Variants in NPHS1 observed in about 807,000 individuals in gnomAD.
NPHS1 encodes nephrin.
A neutral mutation model predicts 139.7 loss-of-function variants in NPHS1; 107 were observed. The ratio of observed to expected loss-of-function variants is 0.77; its 90% CI spans 0.66 to 0.90. The LOEUF (loss-of-function observed/expected upper bound fraction) is 0.90, where lower values mean the gene tolerates loss of function less well. Among genes scored for constraint, NPHS1 ranks in the 40% least tolerant of loss-of-function variants. The probability of loss-of-function intolerance (pLI) is 0.00; values close to 1 mark genes in which losing one functional copy is unlikely to be tolerated. For synonymous variants in NPHS1, 707 were observed against 706.6 expected (o/e 1.00, Z -0.01); for missense variants, 1,580 against 1,654.2 (o/e 0.96, Z 0.78).
chr19:35,826,091 A>ATGCGCCAC lies in NPHS1; in HGVS notation c.*415_*422dup. Reference sequence around the variant, plus strand: ...CTCCCAAGTAGCTGGGACTACAGGCATGCGCCACTACTCCTGGCTAATTTT... The same window carrying ATGCGCCAC: ...CTCCCAAGTAGCTGGGACTACAGGCATGCGCCACTGCGCCACTACTCCTGGCTAATTTT... On this transcript the variant is annotated 3_prime_UTR_variant, in exon 29 of 29. Transcript: ENST00000378910. 1 of 214,550 alleles carries ATGCGCCAC rather than the reference A, an allele frequency of 4.7e-6. No homozygotes were observed. The highest frequency in any genetic ancestry group is 1.1e-4 in the East Asian group (1 of 9,414). The allele number at this position is 214,550 out of a possible 1,614,324, so 13.3% of individuals were successfully genotyped here.
At position 35,845,793 on chromosome 19, in the gene NPHS1, G is replaced by A; in HGVS notation, c.1633C>T (p.Pro545Ser). 4.3e-6 allele frequency: 7 copies of A among 1,612,404 alleles called. No individual in the cohort carries two copies. Among genetic ancestry groups the A allele is most frequent in the Non-Finnish European group, 5.9e-6 (7 of 1,178,700 alleles). Reference sequence around the variant, plus strand: ...TTGGCCAGGATCGTCACGTTAGTTGGGGGAACTGGGAGACGGGGTTGGAGG... The same window carrying A: ...TTGGCCAGGATCGTCACGTTAGTTGAGGGAACTGGGAGACGGGGTTGGAGG... ...ASTQLAVQFPPTNVTILANAS... is the reference protein window; with the variant it reads ...ASTQLAVQFPSTNVTILANAS... The change falls in exon 13 of 29, where the codon CCA becomes TCA. Residue 545 changes from proline (P) to serine (S), a missense_variant. By Grantham distance (74) the Pro-to-Ser change is moderately conservative. Coordinates refer to ENST00000378910, the MANE Select transcript of NPHS1 (RefSeq NM_004646.4). This position sits in a 1 kb window ranked among gnomAD's most constrained non-coding sequence, Gnocchi z 5.5.
chr19:35,843,607 G>C lies in NPHS1; in HGVS notation c.2213-14C>G. The C allele has an allele frequency of 6.2e-7, 1 of 1,613,660 alleles. No individual in the cohort carries two copies. On this transcript the variant is annotated splice_polypyrimidine_tract_variant and intron_variant, in intron 16 of 28. Transcript: ENST00000378910. ...TGGTGGGAGCATCTGGTGGAAGGCAGAGGCTTGGGGAAGACACTTGGGCCC... is the reference window on the plus strand; with the variant it reads ...TGGTGGGAGCATCTGGTGGAAGGCACAGGCTTGGGGAAGACACTTGGGCCC...
chr19:35,834,322 G>T (rs1221346504), intron 23 of NPHS1, among the ~76,000 whole-genome samples: 1 of 152,168 alleles, frequency 6.6e-6, no homozygotes, highest in African/African-American at 2.4e-5. Flanking sequence ...TATCAGAAGT[G>T]TGGGAAGGGG....
chr19:35,841,905 C>G, intron 19 of NPHS1, 39 bp from the exon 20 acceptor site: 1 of 1,576,382 alleles, frequency 6.3e-7, no homozygotes, highest in Non-Finnish European at 8.6e-7. Flanking sequence ...CTTCCATTCA[C>G]CCAACCACTT....
rs541515890 is a variant in NPHS1 at position 35,844,572 on chromosome 19, A to G, written c.1931-113T>C. 100 of 1,134,824 alleles carry G rather than the reference A, an allele frequency of 8.8e-5. No homozygotes were observed. In the South Asian group the frequency reaches 1.3e-3, roughly 15 times the overall value. The allele number at this position is 1,134,824 out of a possible 1,614,324, so 70.3% of individuals were successfully genotyped here. A position where few individuals can be genotyped will look rare whatever the true frequency, so the allele number is the denominator to read the frequency against. ...AAAGTTGGGGTCACGACGGGGTTTA[A>G]GGTTGTGGACAAGGTAACAAGTTCA... On this transcript the variant is annotated intron_variant, in intron 14 of 28. Transcript: ENST00000378910.
intron 5 of NPHS1, 109 bp from the exon 6 acceptor site, chr19:35,849,762 C>T (rs530873038): frequency 3.8e-6 from 3 of 787,524 alleles, no homozygotes; most frequent in South Asian, 2.8e-5. Context: ...GGTCTAAGTC[C>T]CCATGCTGAT....
chr19:35,828,883 T>C (rs1462843184), intron 28 of NPHS1, among the ~76,000 whole-genome samples: 1 of 152,220 alleles, frequency 6.6e-6, no homozygotes, highest in African/African-American at 2.4e-5. Context: ...CTTTGCGCCA[T>C]GCTGGTGAGG....
intron 28 of NPHS1, among the ~76,000 whole-genome samples, chr19:35,827,851 A>AG (rs1433757292): frequency 6.6e-6 from 1 of 152,142 alleles, no homozygotes; most frequent in Non-Finnish European, 1.5e-5. Context: ...TGGGAGGTGG[A>AG]GGTTGCAGTG....
intron 17 of NPHS1, 152 bp downstream of exon 17, chr19:35,843,320 A>T: frequency 9.9e-7 from 1 of 1,007,724 alleles, no homozygotes; most frequent in Non-Finnish European, 1.5e-6. Flanking sequence ...TCATTTTGCC[A>T]CCAACAGTTA....
At chr19:35,828,726 C>T (rs1330433645) in intron 28 of NPHS1, among the ~76,000 whole-genome samples, 1 of 152,226 alleles carries the variant, frequency 6.6e-6, no homozygotes, top group Non-Finnish European at 1.5e-5. Context: ...TTTTACTTTA[C>T]GGTGGCAGAG....
rs1973240481 is a variant in NPHS1 at position 35,851,098 on chromosome 19, A to G, written c.398-9T>C. 6.2e-7 allele frequency: 1 copy of G among 1,613,998 alleles called. No homozygotes were observed. The highest frequency in any genetic ancestry group is 1.3e-5 in the African/African-American group (1 of 74,914). Reference sequence around the variant, plus strand: ...GAGCAGCTTGGGAGGAACTGGTGAGAGAAGGGTCTGGGGTAAGCTTCCAGC... The same window carrying G: ...GAGCAGCTTGGGAGGAACTGGTGAGGGAAGGGTCTGGGGTAAGCTTCCAGC... On this transcript the variant is annotated splice_polypyrimidine_tract_variant and intron_variant, in intron 3 of 28. Transcript: ENST00000378910.
chr19:35,840,089 C>T (rs1973032500), intron 20 of NPHS1, among the ~76,000 whole-genome samples: 1 of 151,488 alleles, frequency 6.6e-6, no homozygotes, highest in Non-Finnish European at 1.5e-5. Context: ...ACTGCAACCT[C>T]CACCTCCTGG....
rs1393113508 is a variant in NPHS1 at position 35,825,856 on chromosome 19, GAGTTTTTCAT to G, written c.*648_*657del. The G allele has an allele frequency of 6.6e-6, 1 of 152,290 alleles. No homozygotes were observed. Among genetic ancestry groups the G allele is most frequent in the African/African-American group, 2.4e-5 (1 of 41,472 alleles). The allele number at this position is 152,290 out of a possible 1,614,324, so 9.4% of individuals were successfully genotyped here. ...GACGTCATGGAATGCAAAATGAACA[GAGTTTTTCAT>G]ATGTCTTTCCCCACTTCTGAAAACT... On this transcript the variant is annotated 3_prime_UTR_variant, in exon 29 of 29. Transcript: ENST00000378910.
intron 3 of NPHS1, 37 bp from the exon 4 acceptor site, chr19:35,851,126 T>G (rs767505737): frequency 1.2e-6 from 2 of 1,613,802 alleles, no homozygotes; most frequent in East Asian, 2.2e-5. Flanking sequence ...CTTCCAGCAC[T>G]GAGAAGGACT....
chr19:35,826,709 T>C, intron 28 of NPHS1, 64 bp from the exon 29 acceptor site: 1 of 1,579,246 alleles, frequency 6.3e-7, no homozygotes, highest in Non-Finnish European at 8.7e-7. Context: ...ATTGAAGATC[T>C]GGGGGATACA....
chr19:35,832,803 C>T (rs1972901420), intron 23 of NPHS1, among the ~76,000 whole-genome samples: 1 of 144,792 alleles, frequency 6.9e-6, no homozygotes, highest in African/African-American at 2.6e-5. Flanking sequence ...AGGGGAATCA[C>T]TTGAACTGGG....
chr19:35,830,531 T>A (rs1257783910), intron 28 of NPHS1, among the ~76,000 whole-genome samples: 1 of 152,272 alleles, frequency 6.6e-6, no homozygotes, highest in Admixed American at 6.5e-5. Context: ...TGGCTCAGCC[T>A]CCTGAGTAGC....
rs754556069 is a variant in NPHS1, at chr19:35,831,153, C to T, written c.3388-7G>A. On this transcript the variant is annotated splice_polypyrimidine_tract_variant and splice_region_variant and intron_variant, in intron 26 of 28. Transcript: ENST00000378910. ...CTGCCTCTGTTGTGCTGACCTGTTC[C>T]CCACACGCAAAACAAACAAAGCCCT... The T allele has an allele frequency of 6.2e-6, 10 of 1,613,798 alleles. No individual in the cohort carries two copies. In the South Asian group the frequency reaches 6.6e-5, roughly 11 times the overall value.
At chr19:35,840,682 A>G (rs1367844416) in intron 20 of NPHS1, among the ~76,000 whole-genome samples, 1 of 140,794 alleles carries the variant, frequency 7.1e-6, no homozygotes, top group Non-Finnish European at 1.5e-5. Flanking sequence ...CAAGCAATCA[A>G]TACATGATTT....
Sources: allele counts gnomAD v4.1 joint callset (sites outside exome capture counted in the v4.1 genomes callset), GRCh38; gene constraint gnomAD v4.1.1; non-coding constraint Gnocchi (gnomAD v3.1); transcripts MANE v1.5; gene names NCBI Gene and HGNC (gene_info 2026-07-23, HGNC 2026-07-21).